Variants in SORCS1 observed in about 807,000 individuals in gnomAD.
The protein encoded by SORCS1 is VPS10 domain-containing receptor SorCS1.
Under a neutral mutation model 146.1 loss-of-function variants are expected in SORCS1, and 60 were observed. That is an observed-to-expected ratio of 0.41 (90% CI 0.33 to 0.51). The LOEUF (loss-of-function observed/expected upper bound fraction) is 0.51, where lower values mean the gene tolerates loss of function less well. Ranked by LOEUF, SORCS1 falls within the 20% of genes least tolerant of loss-of-function variation. The pLI is 0.21. For synonymous variants in SORCS1, 637 were observed against 584.0 expected, an observed-to-expected ratio of 1.09 and a Z score of -1.31; for missense variants, 1,352 against 1,487.6, an observed-to-expected ratio of 0.91 and a Z score of 1.50.
intron 2 of SORCS1, among the ~76,000 whole-genome samples, chr10:106,915,339 C>T (rs1386881676): frequency 2.0e-5 from 3 of 152,206 alleles, no homozygotes; most frequent in African/African-American, 7.2e-5. Flanking sequence ...TAGAAACAAA[C>T]CAATGCATTT....
At chr10:107,100,838 C>T (rs976982157) in intron 1 of SORCS1, among the ~76,000 whole-genome samples, 4 of 151,872 alleles carry the variant, frequency 2.6e-5, no homozygotes, top group Non-Finnish European at 5.9e-5. Flanking sequence ...CTTTACACTT[C>T]TCCCTCTTTG....
chr10:107,174,209 T>A, the SORCS1 span, among the ~76,000 whole-genome samples: 6 of 152,158 alleles, frequency 3.9e-5, no homozygotes, highest in Non-Finnish European at 5.9e-5. Context: ...TCCTTCTTTT[T>A]TTGTCGTTGT....
At chr10:106,909,165 G>A (rs924356178) in intron 2 of SORCS1, among the ~76,000 whole-genome samples, 3 of 152,120 alleles carry the variant, frequency 2.0e-5, no homozygotes, top group African/African-American at 7.2e-5. Context: ...GTTCTGACAC[G>A]GGCTTTTGAA....
chr10:106,640,950 C>A (rs1403602265), intron 18 of SORCS1, among the ~76,000 whole-genome samples: 1 of 152,176 alleles, frequency 6.6e-6, no homozygotes, highest in Non-Finnish European at 1.5e-5. Flanking sequence ...ATTTTTAAGG[C>A]CATAATGATG....
At chr10:107,133,710 C>T (rs1014482592) in intron 1 of SORCS1, among the ~76,000 whole-genome samples, 3 of 152,174 alleles carry the variant, frequency 2.0e-5, no homozygotes, top group African/African-American at 7.2e-5. Flanking sequence ...AGCCTTGGTG[C>T]ATGTATGTAA....
intron 1 of SORCS1, among the ~76,000 whole-genome samples, chr10:107,083,963 C>T (rs1963549168): frequency 6.6e-6 from 1 of 152,118 alleles, no homozygotes; most frequent in Non-Finnish European, 1.5e-5. Context: ...ATTACTCTGA[C>T]ATATCCTTCC....
chr10:106,638,552 C>T (rs1460396543), intron 18 of SORCS1, among the ~76,000 whole-genome samples: 1 of 152,120 alleles, frequency 6.6e-6, no homozygotes, highest in East Asian at 1.9e-4. Context: ...AGATACCACC[C>T]CTATAACACT....
At chr10:106,886,658 A>G (rs990734786) in intron 2 of SORCS1, among the ~76,000 whole-genome samples, 1 of 152,238 alleles carries the variant, frequency 6.6e-6, no homozygotes, top group African/African-American at 2.4e-5. Flanking sequence ...CTCTGCAGGT[A>G]TCATTCATTA....
intron 10 of SORCS1, among the ~76,000 whole-genome samples, chr10:106,682,838 C>T (rs1852542132): frequency 6.6e-6 from 1 of 152,230 alleles, no homozygotes; most frequent in South Asian, 2.1e-4. Flanking sequence ...CCTGACCTTT[C>T]CACATTAAGA....
chr10:106,613,333 C>G (rs978406466), intron 21 of SORCS1, among the ~76,000 whole-genome samples: 4 of 152,110 alleles, frequency 2.6e-5, no homozygotes, highest in Non-Finnish European at 5.9e-5. Context: ...TATCGACCAC[C>G]GTGCATGCAT....
At chr10:107,057,335 C>T (rs1960741856) in intron 1 of SORCS1, among the ~76,000 whole-genome samples, 1 of 152,166 alleles carries the variant, frequency 6.6e-6, no homozygotes, top group Non-Finnish European at 1.5e-5. Flanking sequence ...ACACACAACT[C>T]AGTATCTAGG....
chr10:107,170,563 C>T, the SORCS1 span, among the ~76,000 whole-genome samples: 1 of 152,134 alleles, frequency 6.6e-6, no homozygotes. Context: ...CATAATATTC[C>T]AGCAGAATAC....
chr10:106,669,448 C>A (rs2135454562), intron 16 of SORCS1, among the ~76,000 whole-genome samples: 1 of 152,066 alleles, frequency 6.6e-6, no homozygotes, highest in Non-Finnish European at 1.5e-5. Context: ...AAAAGCTAAA[C>A]CACTAATGTA....
At chr10:107,117,136 G>A (rs935872148) in intron 1 of SORCS1, among the ~76,000 whole-genome samples, 7 of 152,142 alleles carry the variant, frequency 4.6e-5, no homozygotes, top group African/African-American at 1.4e-4. Context: ...ATTGCAAAAA[G>A]TGAAAAAGCA....
At chr10:106,686,933 C>T (rs1209261888) in intron 10 of SORCS1, among the ~76,000 whole-genome samples, 1 of 152,136 alleles carries the variant, frequency 6.6e-6, no homozygotes, top group Non-Finnish European at 1.5e-5. Context: ...AGAGTGTGAA[C>T]AACTATATAT....
intron 2 of SORCS1, among the ~76,000 whole-genome samples, chr10:106,876,794 A>G (rs1950603188): frequency 6.6e-6 from 1 of 152,212 alleles, no homozygotes; most frequent in South Asian, 2.1e-4. Flanking sequence ...TTATGTTGTT[A>G]GCTCTGCTCT....
intron 1 of SORCS1, among the ~76,000 whole-genome samples, chr10:107,131,461 G>A (rs1590205107): frequency 6.6e-6 from 1 of 152,158 alleles, no homozygotes; most frequent in Admixed American, 6.5e-5. Context: ...AGTGGCTCAC[G>A]CCTTTAATCC....
intron 19 of SORCS1, among the ~76,000 whole-genome samples, chr10:106,623,181 T>A (rs1847863313): frequency 6.6e-6 from 1 of 151,802 alleles, no homozygotes; most frequent in Non-Finnish European, 1.5e-5. Flanking sequence ...AATGACTAGA[T>A]AAACTATGCT....
At chr10:106,899,823 G>T (rs533451332) in intron 2 of SORCS1, among the ~76,000 whole-genome samples, 2 of 152,006 alleles carry the variant, frequency 1.3e-5, no homozygotes, top group African/African-American at 4.8e-5. Context: ...ATTACCACTT[G>T]CCCAAATGAA....
Sources: gnomAD v4.1 joint callset for allele counts (sites outside exome capture counted in the v4.1 genomes callset) on GRCh38, gnomAD v4.1.1 for gene constraint, MANE v1.5 for transcripts, NCBI Gene and HGNC (gene_info 2026-07-23, HGNC 2026-07-21) for gene names.